The following MICAL3 variants were observed in gnomAD, a reference collection of about 807,000 sequenced individuals.
The protein encoded by MICAL3 is microtubule associated monooxygenase, calponin and LIM domain containing 3, also known as [F-actin]-monooxygenase MICAL3.
In MICAL3, 62 loss-of-function variants were observed where a neutral mutation model predicts 207.4. The observed-to-expected ratio is 0.30, with a 90% confidence interval of 0.24 to 0.37. The LOEUF is 0.37. MICAL3 is among the 10% of genes least tolerant of loss of function. The pLI, the probability that MICAL3 is intolerant of heterozygous loss-of-function variation, is 1.00. For synonymous variants in MICAL3, 1,077 were observed against 1,069.3 expected, an observed-to-expected ratio of 1.01 and a Z score of -0.14; for missense variants, 2,368 against 2,635.6, an observed-to-expected ratio of 0.90 and a Z score of 2.22.
intron 1 of MICAL3, among the ~76,000 whole-genome samples, chr22:17,980,227 T>C (rs891695725): frequency 3.3e-5 from 5 of 152,088 alleles, no homozygotes; most frequent in South Asian, 2.1e-4. Flanking sequence ...GAGGCCGAAT[T>C]AGCATTCGTG....
At chr22:17,878,841 C>G (rs949060703) in intron 16 of MICAL3, among the ~76,000 whole-genome samples, 8 of 152,164 alleles carry the variant, frequency 5.3e-5, no homozygotes, top group African/African-American at 1.9e-4. Flanking sequence ...TTGCCATCAC[C>G]TACCTTTCTC....
intron 1 of MICAL3, among the ~76,000 whole-genome samples, chr22:17,990,925 C>T (rs1921607010): frequency 6.6e-6 from 1 of 152,194 alleles, no homozygotes; most frequent in South Asian, 2.1e-4. Context: ...ATCTATATGC[C>T]CTGCTGGATT....
intron 12 of MICAL3, among the ~76,000 whole-genome samples, chr22:17,890,661 A>G (rs925506734): frequency 6.6e-6 from 1 of 152,208 alleles, no homozygotes; most frequent in African/African-American, 2.4e-5. Context: ...CCATCATATA[A>G]ATAGCAACTA....
rs369473498 is a variant in MICAL3 at position 17,842,046 on chromosome 22, T to C, written c.2606-29A>G. 175 of 1,581,960 alleles carry C rather than the reference T, an allele frequency of 1.1e-4. No individual in the cohort carries two copies. In the African/African-American group the frequency reaches 2.1e-3, roughly 19 times the overall value. On this transcript the variant is annotated intron_variant, in intron 19 of 31. Transcript: ENST00000441493. Reference sequence around the variant, plus strand: ...CGGGACAAGCACAGAAGCACTGCACTGAGGTCCAACCACAGACGGGGCGTG... The same window carrying C: ...CGGGACAAGCACAGAAGCACTGCACCGAGGTCCAACCACAGACGGGGCGTG...
intron 1 of MICAL3, among the ~76,000 whole-genome samples, chr22:17,933,380 A>T (rs181188055): frequency 6.6e-6 from 1 of 152,378 alleles, no homozygotes; most frequent in East Asian, 1.9e-4. Flanking sequence ...TACTGGCTAC[A>T]TAACAAAATG....
chr22:17,911,040 G>C (rs1036783416), intron 1 of MICAL3, among the ~76,000 whole-genome samples: 4 of 152,122 alleles, frequency 2.6e-5, no homozygotes, highest in Non-Finnish European at 5.9e-5. Flanking sequence ...AAGAGGAGGT[G>C]ATGCCAGGTT....
chr22:18,021,232 T>C (rs905384525), intron 1 of MICAL3, among the ~76,000 whole-genome samples: 1 of 152,208 alleles, frequency 6.6e-6, no homozygotes, highest in Non-Finnish European at 1.5e-5. Context: ...AAATGAGATA[T>C]GGTTTTGGTA....
At chr22:17,869,553 G>GA (rs1927504134) in intron 17 of MICAL3, among the ~76,000 whole-genome samples, 2 of 152,170 alleles carry the variant, frequency 1.3e-5, no homozygotes, top group South Asian at 4.1e-4. Flanking sequence ...TGCAAAAAAA[G>GA]AAACAGCAGC....
intron 29 of MICAL3, among the ~76,000 whole-genome samples, chr22:17,801,614 C>T (rs545543328): frequency 7.9e-5 from 12 of 151,582 alleles, no homozygotes; most frequent in African/African-American, 2.7e-4. Context: ...GAGATGCGGG[C>T]TGGGCGCGGT....
intron 1 of MICAL3, among the ~76,000 whole-genome samples, chr22:17,968,257 G>A (rs1243031629): frequency 3.3e-5 from 5 of 152,010 alleles, no homozygotes; most frequent in Non-Finnish European, 5.9e-5. Context: ...GCCCAGTGCC[G>A]AGCCCTGCCT....
intron 1 of MICAL3, among the ~76,000 whole-genome samples, chr22:17,978,249 G>C (rs2146429431): frequency 6.6e-6 from 1 of 152,294 alleles, no homozygotes; most frequent in South Asian, 2.1e-4. Flanking sequence ...CAACATGAAT[G>C]AATCTTGAAA....
intron 20 of MICAL3, chr22:17,834,205 T>G: frequency 4.8e-6 from 5 of 1,051,738 alleles, no homozygotes; most frequent in Non-Finnish European, 5.8e-6. Flanking sequence ...TTATTTGTGC[T>G]CTCTGAGTTT....
At chr22:17,921,002 A>G (rs1324818850) in intron 1 of MICAL3, among the ~76,000 whole-genome samples, 1 of 152,200 alleles carries the variant, frequency 6.6e-6, no homozygotes, top group Non-Finnish European at 1.5e-5. Flanking sequence ...AGATGACTAC[A>G]AAGATGACTC....
At chr22:17,893,238 GTCTT>G (rs1408503988) in intron 11 of MICAL3, among the ~76,000 whole-genome samples, 1 of 152,114 alleles carries the variant, frequency 6.6e-6, no homozygotes, top group East Asian at 1.9e-4. Flanking sequence ...CTATGGCGAG[GTCTT>G]TCTACCTGGT....
At chr22:18,006,912 A>G (rs1475825102) in intron 1 of MICAL3, among the ~76,000 whole-genome samples, 1 of 152,230 alleles carries the variant, frequency 6.6e-6, no homozygotes, top group Non-Finnish European at 1.5e-5. Context: ...ACTGGAGTGC[A>G]GTGGTGCAAT....
intron 1 of MICAL3, among the ~76,000 whole-genome samples, chr22:17,920,440 G>GTGAC (rs1489855042): frequency 5.9e-5 from 9 of 152,122 alleles, no homozygotes; most frequent in African/African-American, 2.2e-4. Context: ...TCCACTGAGG[G>GTGAC]TGACGGTGGC....
chr22:17,972,246 T>C (rs1167875612), intron 1 of MICAL3, among the ~76,000 whole-genome samples: 4 of 152,090 alleles, frequency 2.6e-5, no homozygotes, highest in Non-Finnish European at 4.4e-5. Context: ...CAAAAAAATC[T>C]TGAGACAAGA....
intron 16 of MICAL3, among the ~76,000 whole-genome samples, chr22:17,877,185 G>A (rs1217907592): frequency 4.7e-5 from 5 of 106,684 alleles, no homozygotes; most frequent in Non-Finnish European, 9.4e-5. Flanking sequence ...GGTTAGGGAA[G>A]TTATGGAGGT....
chr22:17,944,729 C>T (rs894139472), intron 1 of MICAL3, among the ~76,000 whole-genome samples: 1 of 152,096 alleles, frequency 6.6e-6, no homozygotes, highest in Non-Finnish European at 1.5e-5. Context: ...TGGGAGAAAC[C>T]GCATTTTTAA....
Sources: allele counts gnomAD v4.1 joint callset (sites outside exome capture counted in the v4.1 genomes callset), GRCh38; gene constraint gnomAD v4.1.1; transcripts MANE v1.5; gene names NCBI Gene and HGNC (gene_info 2026-07-23, HGNC 2026-07-21).